The following FAM221A variants were observed in gnomAD, a reference collection of about 807,000 sequenced individuals.
The protein encoded by FAM221A is protein FAM221A.
A neutral mutation model predicts 37.6 loss-of-function variants in FAM221A; 43 were observed. That is an observed-to-expected ratio of 1.15 (90% CI 0.90 to 1.48). The LOEUF (loss-of-function observed/expected upper bound fraction) is 1.48, where lower values mean the gene tolerates loss of function less well. Among genes scored for constraint, FAM221A ranks in the 40% most tolerant of loss-of-function variants. The pLI, the probability that FAM221A is intolerant of heterozygous loss-of-function variation, is 0.00. For synonymous variants in FAM221A, 135 were observed against 132.9 expected (o/e 1.02, Z -0.11); for missense variants, 361 against 361.5 (o/e 1.00, Z 0.01).
intron 6 of FAM221A, 102 bp from the exon 7 acceptor site, chr7:23,701,994 T>G (rs1785487139): frequency 1.6e-5 from 10 of 621,254 alleles, no homozygotes; most frequent in Admixed American, 7.3e-5. Context: ...GCTTAATAAC[T>G]GTGGAATGGC....
rs1283939718 is a variant in FAM221A, at chr7:23,701,236, C to CTTTTT, written c.828+369_828+370insTTTTT. Among the ~76,000 whole-genome samples the CTTTTT allele has an allele frequency of 2.1e-4, 15 of 72,742 alleles. 3 individuals carry two copies. Among genetic ancestry groups the CTTTTT allele is most frequent in the East Asian group, 4.1e-4 (1 of 2,434 alleles). 47.7% of individuals were successfully genotyped at this position (72,742 alleles called of 152,430 possible). On this transcript the variant is annotated intron_variant, in intron 6 of 6. Transcript: ENST00000344962. ...ATAAAGATTGAATATATTTTGAATT[C>CTTTTT]TCTTTTTTTTTTTTTTTTTTTGAGA...
Position 23,689,492 on chromosome 7 carries a change from G to T in FAM221A, c.430+33G>T, listed in dbSNP as rs201569286. The T allele has an allele frequency of 2.8e-4, 403 of 1,441,722 alleles. 1 individual carries two copies. In the African/African-American group the frequency reaches 5.2e-3, roughly 19 times the overall value. 89.3% of individuals were successfully genotyped at this position (1,441,722 alleles called of 1,614,324 possible). ...ATATTATTATAAACACATAAACTCA[G>T]AATGTTTATATGTCTTCCTTGAATA... On this transcript the variant is annotated intron_variant, in intron 3 of 6. Coordinates refer to ENST00000344962, the MANE Select transcript of FAM221A (RefSeq NM_199136.5).
Position 23,684,594 on chromosome 7 carries a change from T to A in FAM221A, c.161T>A (p.Leu54Ter). Residue 54 changes from leucine (L) to a stop codon, truncating the protein, a stop_gained, in exon 2 of 7, where the codon TTA (leucine) becomes TAA (stop). Coordinates refer to ENST00000344962, the MANE Select transcript of FAM221A (RefSeq NM_199136.5). LOFTEE classifies it high-confidence loss of function. ...KVLPLRLQNR[L>*]FVSWRSPTGM... ...TTACCTCTGCGCTTACAAAACAGATTATTTGTGAGCTGGCGGTCACCAACA... is the reference window on the plus strand; with the variant it reads ...TTACCTCTGCGCTTACAAAACAGATAATTTGTGAGCTGGCGGTCACCAACA... 1 of 1,614,114 alleles carries A rather than the reference T, an allele frequency of 6.2e-7. No individual in the cohort carries two copies. The highest frequency in any genetic ancestry group is 8.5e-7 in the Non-Finnish European group (1 of 1,179,966).
intron 1 of FAM221A, among the ~76,000 whole-genome samples, chr7:23,681,557 C>A (rs1237093576): frequency 6.6e-6 from 1 of 152,086 alleles, no homozygotes; most frequent in Non-Finnish European, 1.5e-5. Context: ...GTAGCTGGGA[C>A]TACAGGCGGC....
At position 23,702,297 on chromosome 7, in the gene FAM221A, CTTAAT is replaced by C; in HGVS notation, c.*137_*141del. ...GTATAAATGTCTTTTGGGATGTTTC[CTTAAT>C]TTATTTAAATAACTAAAAATGCCTA... On this transcript the variant is annotated 3_prime_UTR_variant, in exon 7 of 7. Transcript: ENST00000344962. 6.0e-6 allele frequency: 3 copies of C among 496,576 alleles called. No individual in the cohort carries two copies. The highest frequency in any genetic ancestry group is 3.7e-5 in the East Asian group (1 of 27,296). 30.8% of individuals were successfully genotyped at this position (496,576 alleles called of 1,614,324 possible). A position where few individuals can be genotyped will look rare whatever the true frequency, so the allele number is the denominator to read the frequency against.
chr7:23,689,576 T>A, intron 3 of FAM221A, 117 bp downstream of exon 3: 2 of 688,900 alleles, frequency 2.9e-6, no homozygotes, highest in Non-Finnish European at 2.2e-6. Context: ...GTTGTAGAGT[T>A]AATATTCAGT....
At chr7:23,686,269 T>A (rs1337743931) in intron 2 of FAM221A, 1 of 316,430 alleles carries the variant, frequency 3.2e-6, no homozygotes, top group Admixed American at 3.4e-5. Context: ...CAACTCAACT[T>A]TTTTTTTTTT....
intron 1 of FAM221A, among the ~76,000 whole-genome samples, chr7:23,684,219 TC>T: frequency 6.6e-6 from 1 of 152,232 alleles, no homozygotes; most frequent in South Asian, 2.1e-4. Context: ...TTGTCATGCT[TC>T]GAGGCCCAGG....
intron 1 of FAM221A, among the ~76,000 whole-genome samples, chr7:23,684,157 C>T (rs912502049): frequency 6.6e-6 from 1 of 152,118 alleles, no homozygotes; most frequent in Admixed American, 6.6e-5. Flanking sequence ...TTCAGACCCC[C>T]AGTAAAACTT....
At chr7:23,690,199 A>ATATATATATATATTTTTTTT (rs774313037) in intron 3 of FAM221A, among the ~76,000 whole-genome samples, 2 of 48,736 alleles carry the variant, frequency 4.1e-5, no homozygotes, top group South Asian at 1.2e-3. Flanking sequence ...ATATATATAT[A>ATATATATATATATTTTTTTT]TTTTTTTTTT....
At chr7:23,681,000 AG>A (rs1191847578) in intron 1 of FAM221A, among the ~76,000 whole-genome samples, 1 of 152,180 alleles carries the variant, frequency 6.6e-6, no homozygotes, top group African/African-American at 2.4e-5. Context: ...AGCGAGCGAC[AG>A]GGGCTCCTCT....
In FAM221A at chr7:23,696,911, G is replaced by A. The variant is rs73271338; in HGVS notation, c.638-1281G>A. Among the ~76,000 whole-genome samples the A allele has an allele frequency of 3.4e-3, 522 of 152,232 alleles. 2 individuals carry two copies. Among genetic ancestry groups the A allele is most frequent in the African/African-American group, 0.012 (502 of 41,568 alleles). On this transcript the variant is annotated intron_variant, in intron 4 of 6. Coordinates refer to ENST00000344962, the MANE Select transcript of FAM221A (RefSeq NM_199136.5). ...AGGAGCCCATAATTCCCAGCTCTCTGGGGGTGTGGGAAGGCAGCTGACCTG... is the reference window on the plus strand; with the variant it reads ...AGGAGCCCATAATTCCCAGCTCTCTAGGGGTGTGGGAAGGCAGCTGACCTG...
intron 3 of FAM221A, 54 bp downstream of exon 3, chr7:23,689,513 GA>G: frequency 7.5e-7 from 1 of 1,330,936 alleles, no homozygotes; most frequent in East Asian, 2.4e-5. Context: ...TGTCTTCCTT[GA>G]ATATTTAACG....
intron 4 of FAM221A, among the ~76,000 whole-genome samples, chr7:23,697,710 C>A (rs1562528243): frequency 6.6e-6 from 1 of 152,100 alleles, no homozygotes; most frequent in African/African-American, 2.4e-5. Context: ...CAGAAATGTG[C>A]AGAAGAATAC....
intron 1 of FAM221A, 24 bp downstream of exon 1, chr7:23,680,307 C>T (rs938700966): frequency 1.2e-5 from 18 of 1,505,688 alleles, no homozygotes; most frequent in Admixed American, 8.3e-5. Context: ...TCCGGGCCTG[C>T]CCCCCCGCCG....
intron 5 of FAM221A, among the ~76,000 whole-genome samples, chr7:23,699,621 C>T (rs548205485): frequency 1.5e-5 from 2 of 132,148 alleles, no homozygotes; most frequent in African/African-American, 5.7e-5. Flanking sequence ...TGGCTTACTG[C>T]AACCTCCACC....
intron 2 of FAM221A, chr7:23,686,753 TG>T (rs1172996653): frequency 2.7e-5 from 4 of 148,026 alleles, no homozygotes; most frequent in Non-Finnish European, 4.5e-5. Context: ...CAAAGCCAGC[TG>T]CTAGTTTTTT....
chr7:23,700,983 A>C, intron 6 of FAM221A, 115 bp downstream of exon 6: 1 of 741,640 alleles, frequency 1.3e-6, no homozygotes, highest in Non-Finnish European at 2.2e-6. Context: ...GTCTTTACTT[A>C]CAGTTGGTGT....
At chr7:23,682,230 T>A (rs1784081901) in intron 1 of FAM221A, among the ~76,000 whole-genome samples, 2 of 151,750 alleles carry the variant, frequency 1.3e-5, no homozygotes, top group Non-Finnish European at 2.9e-5. Context: ...CGCACCCAGC[T>A]AATTTTAAAA....
Sources: allele counts gnomAD v4.1 joint callset (sites outside exome capture counted in the v4.1 genomes callset), GRCh38; gene constraint gnomAD v4.1.1; transcripts MANE v1.5; gene names NCBI Gene and HGNC (gene_info 2026-07-23, HGNC 2026-07-21).